Variants in CEP135 observed in about 807,000 individuals in gnomAD.
The protein encoded by CEP135 is centrosomal protein 135.
A neutral mutation model predicts 157.3 loss-of-function variants in CEP135; 142 were observed. The ratio of observed to expected loss-of-function variants is 0.90; its 90% CI spans 0.79 to 1.04. The LOEUF (loss-of-function observed/expected upper bound fraction) is 1.04, where lower values mean the gene tolerates loss of function less well. Ranked by LOEUF, CEP135 falls within the 50% of genes least tolerant of loss-of-function variation. CEP135 has a pLI of 0.00. For synonymous variants in CEP135, 396 were observed against 439.8 expected (o/e 0.90, Z 1.25); for missense variants, 1,317 against 1,309.2 (o/e 1.01, Z -0.09).
chr4:56,009,700 T>G (rs960768732), intron 18 of CEP135, 35 bp from the exon 19 acceptor site: 1 of 1,570,648 alleles, frequency 6.4e-7, no homozygotes, highest in Non-Finnish European at 8.6e-7. Context: ...TTTTTAAAAG[T>G]TTTCTTTATT....
chr4:55,973,285 A>G (rs1729088030), intron 10 of CEP135, among the ~76,000 whole-genome samples: 2 of 152,214 alleles, frequency 1.3e-5, no homozygotes, highest in South Asian at 2.1e-4. Flanking sequence ...TCAGCGCTGT[A>G]TGGAAATCTT....
chr4:55,951,576 C>A (rs1240019086), intron 1 of CEP135, among the ~76,000 whole-genome samples: 1 of 152,138 alleles, frequency 6.6e-6, no homozygotes. Flanking sequence ...ACAGTTTTAG[C>A]CCAAATTAAT....
chr4:55,969,895 CAG>C (rs978990201), intron 9 of CEP135, among the ~76,000 whole-genome samples: 15 of 152,144 alleles, frequency 9.9e-5, no homozygotes, highest in African/African-American at 3.1e-4. Context: ...TTTTTGGAGA[CAG>C]GGGCTTGCCT....
chr4:55,972,807 G>A (rs1340987254), intron 10 of CEP135, among the ~76,000 whole-genome samples: 1 of 152,112 alleles, frequency 6.6e-6, no homozygotes, highest in Admixed American at 6.5e-5. Context: ...CGAGGCAGGC[G>A]GATCACCTGA....
In CEP135 at chr4:56,008,266, A is replaced by G. The variant is rs1730425763; in HGVS notation, c.2281-61A>G. The G allele has an allele frequency of 1.0e-5, 12 of 1,185,820 alleles. No individual in the cohort carries two copies. The South Asian group carries it at 1.5e-4, about 15-fold the overall frequency. 73.5% of individuals were successfully genotyped at this position (1,185,820 alleles called of 1,614,324 possible). A position where few individuals can be genotyped will look rare whatever the true frequency, so the allele number is the denominator to read the frequency against. On this transcript the variant is annotated intron_variant, in intron 17 of 25. Transcript: ENST00000257287. ...TTGAACTATATGAATATGACAAGTT[A>G]CATAAATTTAGCTAAAGACATTTTG...
chr4:55,956,301 C>G (rs1484228535), intron 4 of CEP135, among the ~76,000 whole-genome samples: 1 of 152,270 alleles, frequency 6.6e-6, no homozygotes, highest in Middle Eastern at 3.4e-3. Context: ...TTCAAATACA[C>G]TTCTAATCTT....
chr4:56,030,191 C>T (rs764646854), intron 25 of CEP135, among the ~76,000 whole-genome samples: 4 of 152,186 alleles, frequency 2.6e-5, no homozygotes, highest in Non-Finnish European at 5.9e-5. Flanking sequence ...GAGCTGCCAT[C>T]TCCTGTGATA....
At chr4:56,026,020 C>T (rs1017643586) in intron 25 of CEP135, among the ~76,000 whole-genome samples, 4 of 152,008 alleles carry the variant, frequency 2.6e-5, no homozygotes, top group Admixed American at 2.6e-4. Context: ...ACCAGCCTGG[C>T]CAACATGGTG....
chr4:56,030,892 C>T (rs1020752486), intron 25 of CEP135, among the ~76,000 whole-genome samples: 2 of 152,062 alleles, frequency 1.3e-5, no homozygotes, highest in African/African-American at 4.8e-5. Flanking sequence ...CCTGTAATCC[C>T]AGCATTTTGG....
chr4:55,976,341 G>A (rs75803985), intron 11 of CEP135, among the ~76,000 whole-genome samples: 1 of 151,706 alleles, frequency 6.6e-6, no homozygotes, highest in East Asian at 1.9e-4. Flanking sequence ...TTTAAATTCC[G>A]TATATACTTA....
chr4:55,959,916 A>G (rs1218985020), intron 6 of CEP135, 150 bp downstream of exon 6: 1 of 710,076 alleles, frequency 1.4e-6, no homozygotes, highest in African/African-American at 1.8e-5. Context: ...TAATAGCTGG[A>G]ATGGCTTAGG....
At chr4:55,958,897 C>T (rs550088207) in intron 5 of CEP135, among the ~76,000 whole-genome samples, 52 of 152,208 alleles carry the variant, frequency 3.4e-4, no homozygotes, top group Non-Finnish European at 6.9e-4. Flanking sequence ...CCAGCTTCGA[C>T]AATGTGGAAA....
At position 55,954,307 on chromosome 4, in the gene CEP135, G is replaced by A. The variant is rs900645717; in HGVS notation, c.396G>A (p.Glu132=). The change falls in exon 4 of 26, where the codon GAG becomes GAA. Residue 132 remains glutamate, a synonymous_variant. Coordinates refer to ENST00000257287, the MANE Select transcript of CEP135 (RefSeq NM_025009.5). Reference sequence around the variant, plus strand: ...ATGCTCATAAACTCAAACTGTTGGAGAAAGAGAGCAAAGCTAAGAATGAAA... The same window carrying A: ...ATGCTCATAAACTCAAACTGTTGGAAAAAGAGAGCAAAGCTAAGAATGAAA... ...NQYAHKLKLL[E]KESKAKNERI... 8 of 1,611,764 alleles carry A rather than the reference G, an allele frequency of 5.0e-6. No individual in the cohort carries two copies. Among genetic ancestry groups the A allele is most frequent in the Non-Finnish European group, 6.8e-6 (8 of 1,179,052 alleles).
chr4:56,026,392 G>C (rs1217758756), intron 25 of CEP135, among the ~76,000 whole-genome samples: 2 of 152,166 alleles, frequency 1.3e-5, no homozygotes, highest in African/African-American at 4.8e-5. Context: ...TGTCCTGACT[G>C]TTAAAAGTGT....
chr4:56,018,049 C>T (rs771797618), intron 22 of CEP135, among the ~76,000 whole-genome samples, 192 bp downstream of exon 22: 2 of 152,058 alleles, frequency 1.3e-5, no homozygotes, highest in Admixed American at 1.3e-4. Flanking sequence ...CCACAACTTC[C>T]GCCTCCTGGG....
rs1418689788 is a variant in CEP135 at position 56,032,380 on chromosome 4, G to A, written c.*1032G>A. ...GAATTGCTTGAACCCGGGAGGTGGAGGCTGCGGTGAGCCAAGATCATGCCA... is the reference window on the plus strand; with the variant it reads ...GAATTGCTTGAACCCGGGAGGTGGAAGCTGCGGTGAGCCAAGATCATGCCA... On this transcript the variant is annotated 3_prime_UTR_variant, in exon 26 of 26. Coordinates refer to ENST00000257287, the MANE Select transcript of CEP135 (RefSeq NM_025009.5). 1 of 151,904 alleles carries A rather than the reference G, an allele frequency of 6.6e-6. No individual in the cohort carries two copies. The highest frequency in any genetic ancestry group is 2.4e-5 in the African/African-American group (1 of 41,314). 9.4% of individuals were successfully genotyped at this position (151,904 alleles called of 1,614,324 possible).
Position 55,986,020 on chromosome 4 carries a change from G to A in CEP135, c.1857+662G>A, listed in dbSNP as rs187996817. On this transcript the variant is annotated intron_variant, in intron 14 of 25. Coordinates refer to ENST00000257287, the MANE Select transcript of CEP135 (RefSeq NM_025009.5). ...GTGTACTCTGAAGGCTGATTACTTGGGTTCAGATCCATCTTTGCCTCCTAT... is the reference window on the plus strand; with the variant it reads ...GTGTACTCTGAAGGCTGATTACTTGAGTTCAGATCCATCTTTGCCTCCTAT... Among the ~76,000 whole-genome samples, 251 of 152,246 alleles carry A rather than the reference G, an allele frequency of 1.6e-3. 1 individual carries two copies. The highest frequency in any genetic ancestry group is 4.6e-3 in the Admixed American group (71 of 15,284).
At chr4:55,957,157 G>C in intron 4 of CEP135, 66 bp from the exon 5 acceptor site, 1 of 1,546,810 alleles carries the variant, frequency 6.5e-7, no homozygotes, top group Non-Finnish European at 8.8e-7. Flanking sequence ...AGGCTAACCT[G>C]GAATATTTAA....
rs1730831767 is a variant in CEP135, at chr4:56,017,813, A to G, written c.2968A>G (p.Ile990Val). The G allele has an allele frequency of 2.5e-6, 4 of 1,613,486 alleles. No individual in the cohort carries two copies. The African/African-American group carries it at 4.0e-5, about 16-fold the overall frequency. The change falls in exon 22 of 26, where the codon ATT becomes GTT. Residue 990 changes from isoleucine (I) to valine (V), a missense_variant. Physicochemically the swap from Ile to Val is conservative, Grantham distance 29 (BLOSUM62 3). Transcript: ENST00000257287. ...LCIKLDSGKD[I>V]MTQQLNSKNL... ...CATTAAACTTGATTCAGGCAAAGAT[A>G]TTATGACCCAGCAATTGAATTCGAA...
Sources: allele counts gnomAD v4.1 joint callset (sites outside exome capture counted in the v4.1 genomes callset), GRCh38; gene constraint gnomAD v4.1.1; transcripts MANE v1.5; gene names NCBI Gene and HGNC (gene_info 2026-07-23, HGNC 2026-07-21).